CD34: variants seen among roughly 807,000 people sequenced by gnomAD.
The protein encoded by CD34 is hematopoietic progenitor cell antigen CD34.
In CD34, 34 loss-of-function variants were observed where a neutral mutation model predicts 40.1. That is an observed-to-expected ratio of 0.85 (90% CI 0.65 to 1.13). The LOEUF (loss-of-function observed/expected upper bound fraction) is 1.13. Ranked by LOEUF, CD34 falls within the 50% of genes most tolerant of loss-of-function variation. CD34 has a pLI of 0.00. For missense variants in CD34, 426 were observed against 466.9 expected, an observed-to-expected ratio of 0.91 and a Z score of 0.81; for synonymous variants, 209 against 190.0, an observed-to-expected ratio of 1.10 and a Z score of -0.82.
rs779016775 is a variant in CD34, at chr1:207,885,006, T to C, written c.*2732A>G. On this transcript the variant is annotated 3_prime_UTR_variant, in exon 8 of 8. Coordinates refer to ENST00000310833, the MANE Select transcript of CD34 (RefSeq NM_001025109.2). ...AGGGAAAACTACAGATTCAGGACTT[T>C]GGAATTCTGGGTGATTGGGCAAGCC... The C allele has an allele frequency of 2.6e-5, 4 of 152,202 alleles. No homozygotes were observed. Among genetic ancestry groups the C allele is most frequent in the African/African-American group, 7.2e-5 (3 of 41,440 alleles). 9.4% of individuals were successfully genotyped at this position (152,202 alleles called of 1,614,324 possible).
chr1:207,899,256 G>A lies in CD34; in HGVS notation c.263-30C>T, dbSNP rs200978602. The stretch of plus-strand genomic sequence containing the variant: ...AAGAGACCAAAACATGGGTGTGCAT[G>A]TGTGCATGTGCTCATAGATACACAA... On this transcript the variant is annotated intron_variant, in intron 2 of 7. Transcript: ENST00000310833. The A allele has an allele frequency of 1.8e-4, 290 of 1,610,218 alleles. 1 individual carries two copies. The highest frequency in any genetic ancestry group is 2.2e-4 in the Non-Finnish European group (258 of 1,177,510).
intron 4 of CD34, among the ~76,000 whole-genome samples, chr1:207,896,745 T>C (rs1662157190): frequency 6.6e-6 from 1 of 151,952 alleles, no homozygotes; most frequent in Non-Finnish European, 1.5e-5. Context: ...TTTTGCATTT[T>C]TTTCAAAAAG....
chr1:207,891,692 C>A (rs188806948), intron 4 of CD34, among the ~76,000 whole-genome samples: 2 of 151,212 alleles, frequency 1.3e-5, no homozygotes, highest in Non-Finnish European at 2.9e-5. Context: ...GTAACAGATG[C>A]CTATGATATC....
chr1:207,907,367 C>T (rs1317542925), intron 1 of CD34, among the ~76,000 whole-genome samples: 5 of 152,116 alleles, frequency 3.3e-5, no homozygotes, highest in African/African-American at 2.4e-5. Flanking sequence ...GTCTCTTGTG[C>T]CCACCTAAAC....
chr1:207,910,981 C>T (rs1341500114), intron 1 of CD34, 21 bp downstream of exon 1: 2 of 1,563,066 alleles, frequency 1.3e-6, no homozygotes, highest in East Asian at 2.3e-5. Context: ...CAAGCGGCCG[C>T]GGCGCGCGGG....
rs770542938 is a variant in CD34, at chr1:207,889,523, G to C, written c.696C>G (p.Leu232=). ...ADAGAQVCSL[L]LAQSEVRPQC... is the part of the protein sequence containing the mutation. The stretch of plus-strand genomic sequence containing the variant: ...GAGGCCTCACCTCAGACTGGGCAAG[G>C]AGCAGGGAGCATACCTGGGCCCCAG... The change falls in exon 5 of 8, where the codon CTC becomes CTG. Residue 232 remains leucine (L), a synonymous_variant. Transcript: ENST00000310833. 41 of 1,614,112 alleles carry C rather than the reference G, an allele frequency of 2.5e-5. 1 individual carries two copies. The South Asian group carries it at 4.4e-4, about 17-fold the overall frequency.
At chr1:207,898,887 A>G in intron 3 of CD34, 86 bp downstream of exon 3, 1 of 1,381,852 alleles carries the variant, frequency 7.2e-7, no homozygotes, top group Non-Finnish European at 1.0e-6. Context: ...GGCAGGGATG[A>G]GGAGAGGGGT....
rs777553137 is a variant in CD34, at chr1:207,897,502, G to C, written c.588C>G (p.Thr196=). ...TGGGGGGTTGACTTACACAGCTGGA[G>C]GTCTTATTTTGCTCCAGGCAGATGC... is the stretch of plus-strand genomic sequence containing the variant. ...TQGICLEQNK[T]SSCAEFKKDR... Residue 196 remains threonine, a synonymous_variant, in exon 4 of 8, where the codon ACC becomes ACG. Coordinates refer to ENST00000310833, the MANE Select transcript of CD34 (RefSeq NM_001025109.2). 2.2e-5 allele frequency: 35 copies of C among 1,558,186 alleles called. No individual in the cohort carries two copies. In the Admixed American group the frequency reaches 3.8e-4, roughly 17 times the overall value.
rs1296657380 is a variant in CD34, at chr1:207,886,277, C to G, written c.*1461G>C. 6.6e-6 allele frequency: 1 copy of G among 152,238 alleles called. No homozygotes were observed. The highest frequency in any genetic ancestry group is 1.5e-5 in the Non-Finnish European group (1 of 68,074). The allele number at this position is 152,238 out of a possible 1,614,324, so 9.4% of individuals were successfully genotyped here. ...GCTCCTAAGAACCCAACATACCACC[C>G]TCCATTTGGAAGCTCCCTGGTACAT... On this transcript the variant is annotated 3_prime_UTR_variant, in exon 8 of 8. Coordinates refer to ENST00000310833, the MANE Select transcript of CD34 (RefSeq NM_001025109.2).
intron 1 of CD34, among the ~76,000 whole-genome samples, chr1:207,905,190 C>T (rs1662350760): frequency 6.6e-6 from 1 of 152,228 alleles, no homozygotes. Flanking sequence ...GGCTGGAGTG[C>T]AGTGGCACGA....
intron 4 of CD34, chr1:207,890,157 C>A (rs1662002424): frequency 2.9e-6 from 3 of 1,046,860 alleles, no homozygotes; most frequent in South Asian, 4.1e-5. Context: ...GCATTTTTGT[C>A]TCGTCTTCCA....
chr1:207,910,989 G>T lies in CD34; in HGVS notation c.79+13C>A, dbSNP rs761967848. 3 of 1,571,690 alleles carry T rather than the reference G, an allele frequency of 1.9e-6. No individual in the cohort carries two copies. Among genetic ancestry groups the T allele is most frequent in the African/African-American group, 1.3e-5 (1 of 74,310 alleles). ...GCGAAGCCAAGCGGCCGCGGCGCGC[G>T]GGCGGTACTCACGCAGCAAACTCAG... On this transcript the variant is annotated intron_variant, in intron 1 of 7. Transcript: ENST00000310833.
intron 1 of CD34, 64 bp downstream of exon 1, chr1:207,910,938 C>T (rs1235014961): frequency 9.5e-6 from 14 of 1,473,282 alleles, no homozygotes; most frequent in Non-Finnish European, 1.3e-5. Context: ...TGTTCAGCCT[C>T]CCAGAAAGCC....
chr1:207,905,167 A>G (rs750577558), intron 1 of CD34, among the ~76,000 whole-genome samples: 43 of 152,034 alleles, frequency 2.8e-4, no homozygotes, highest in South Asian at 2.1e-4. Flanking sequence ...AGACAGTCTC[A>G]CTCTGTTGCC....
chr1:207,887,543 A>C lies in CD34; in HGVS notation c.*195T>G. 1.4e-6 allele frequency: 1 copy of C among 698,848 alleles called. No homozygotes were observed. Among genetic ancestry groups the C allele is most frequent in the Non-Finnish European group, 2.3e-6 (1 of 433,292 alleles). 43.3% of individuals were successfully genotyped at this position (698,848 alleles called of 1,614,324 possible). On this transcript the variant is annotated 3_prime_UTR_variant, in exon 8 of 8. Coordinates refer to ENST00000310833, the MANE Select transcript of CD34 (RefSeq NM_001025109.2). ...AGAAGACCAGAGTCTGGCTCCAGGG[A>C]GCCGAATGTGTAAAGGACAGGAGTT...
chr1:207,906,049 G>A (rs1175573346), intron 1 of CD34, among the ~76,000 whole-genome samples: 1 of 152,154 alleles, frequency 6.6e-6, no homozygotes, highest in Non-Finnish European at 1.5e-5. Context: ...TCAGTGCTGT[G>A]GAGAGTACAA....
At chr1:207,900,905 G>A (rs1558121967) in intron 1 of CD34, among the ~76,000 whole-genome samples, 1 of 151,538 alleles carries the variant, frequency 6.6e-6, no homozygotes, top group East Asian at 1.9e-4. Flanking sequence ...AGTTATTATA[G>A]TATTATAGTA....
At position 207,884,914 on chromosome 1, in the gene CD34, C is replaced by A. The variant is rs942188758; in HGVS notation, c.*2824G>T. ...CCAAACCTATCTTCACACTGCCACA[C>A]TGGCTTCATGACATCCAACTGGAGT... On this transcript the variant is annotated 3_prime_UTR_variant, in exon 8 of 8. Transcript: ENST00000310833. The A allele has an allele frequency of 3.3e-5, 5 of 152,192 alleles. No individual in the cohort carries two copies. The highest frequency in any genetic ancestry group is 1.2e-4 in the African/African-American group (5 of 41,430). 9.4% of individuals were successfully genotyped at this position (152,192 alleles called of 1,614,324 possible).
chr1:207,899,046 G>A lies in CD34; in HGVS notation c.443C>T (p.Thr148Ile), dbSNP rs1662212982. ...AGATGTTGCAAGGCTAGTGCTAGTG[G>A]TTGAAAGGTCTGAAACATTTCCAGG... The part of the protein sequence containing the change: ...LSPGNVSDLS[T>I]TSTSLATSPT... The change falls in exon 3 of 8, where the codon ACC (threonine) becomes ATC (isoleucine). Residue 148 changes from threonine (T) to isoleucine (I), a missense_variant. By Grantham distance (89) the Thr-to-Ile change is moderately conservative. Transcript: ENST00000310833. 1.2e-6 allele frequency: 2 copies of A among 1,614,022 alleles called. No homozygotes were observed. The highest frequency in any genetic ancestry group is 2.7e-5 in the African/African-American group (2 of 74,938).
Sources: gnomAD v4.1 joint callset for allele counts (sites outside exome capture counted in the v4.1 genomes callset) on GRCh38, gnomAD v4.1.1 for gene constraint, MANE v1.5 for transcripts, NCBI Gene and HGNC (gene_info 2026-07-23, HGNC 2026-07-21) for gene names.